NEDD9: variants seen among roughly 807,000 people sequenced by gnomAD.
The protein encoded by NEDD9 is enhancer of filamentation 1.
NEDD9 carries 26 observed loss-of-function variants against 76.6 expected under a neutral mutation model. That is an observed-to-expected ratio of 0.34 (90% confidence interval 0.25 to 0.47). The LOEUF is 0.47. Among genes scored for constraint, NEDD9 ranks in the 20% least tolerant of loss-of-function variants. The probability of loss-of-function intolerance (pLI) is 1.00; values close to 1 mark genes in which losing one functional copy is unlikely to be tolerated. For synonymous variants in NEDD9, 392 were observed against 414.2 expected, an observed-to-expected ratio of 0.95 and a Z score of 0.65; for missense variants, 937 against 1,058.5, an observed-to-expected ratio of 0.89 and a Z score of 1.59.
chr6:11,306,139 C>G, exon 3 of NEDD9: 1 of 1,020,200 alleles, frequency 9.8e-7, no homozygotes, highest in South Asian at 1.3e-5. Flanking sequence ...CATTACGGAC[C>G]TCACAGCTTA....
chr6:11,290,400 G>C (rs1760739027), intron 3 of NEDD9, among the ~76,000 whole-genome samples: 1 of 152,070 alleles, frequency 6.6e-6, no homozygotes, highest in Non-Finnish European at 1.5e-5. Context: ...TCCAAATAAA[G>C]CATTATGGGG....
chr6:11,266,314 T>G (rs2113333545), intron 3 of NEDD9, among the ~76,000 whole-genome samples: 1 of 152,142 alleles, frequency 6.6e-6, no homozygotes, highest in South Asian at 2.1e-4. Context: ...CAAACTTGGG[T>G]GGATTCGGGG....
chr6:11,203,008 T>C (rs1321747016), intron 2 of NEDD9, among the ~76,000 whole-genome samples: 2 of 152,230 alleles, frequency 1.3e-5, no homozygotes, highest in Non-Finnish European at 2.9e-5. Context: ...ACAGTGCCCC[T>C]ATTGTTAAGC....
intron 3 of NEDD9, among the ~76,000 whole-genome samples, chr6:11,290,667 C>CA (rs765457611): frequency 5.3e-5 from 8 of 152,150 alleles, no homozygotes; most frequent in Non-Finnish European, 1.2e-4. Flanking sequence ...CAAATGAGCC[C>CA]TTTTATCCAT....
intron 2 of NEDD9, among the ~76,000 whole-genome samples, chr6:11,328,353 G>C (rs1218649470): frequency 6.6e-6 from 1 of 152,176 alleles, no homozygotes; most frequent in African/African-American, 2.4e-5. Flanking sequence ...TACATATCAG[G>C]AATTACTTGG....
At chr6:11,311,881 T>C (rs1002927299) in intron 2 of NEDD9, among the ~76,000 whole-genome samples, 22 of 152,164 alleles carry the variant, frequency 1.4e-4, no homozygotes, top group Admixed American at 5.9e-4. Flanking sequence ...TAAATCCTTT[T>C]TCCTAAACCC....
chr6:11,213,770 G>A lies in NEDD9; in HGVS notation c.13-43C>T. ...GAAGGAAACCGTGTTAGAATATTGG[G>A]TCGGTCCCTTTATCACCTAAGGCCC... On this transcript the variant is annotated intron_variant, in intron 1 of 6. Coordinates refer to ENST00000379446, the MANE Select transcript of NEDD9 (RefSeq NM_006403.4). This position sits in a 1 kb window ranked among gnomAD's most constrained non-coding sequence, Gnocchi z 5.4. The A allele has an allele frequency of 5.0e-6, 8 of 1,589,928 alleles. No homozygotes were observed. Among genetic ancestry groups the A allele is most frequent in the Non-Finnish European group, 6.9e-6 (8 of 1,163,328 alleles).
chr6:11,284,639 A>C (rs1422479647), intron 3 of NEDD9, among the ~76,000 whole-genome samples: 1 of 151,608 alleles, frequency 6.6e-6, no homozygotes, highest in Non-Finnish European at 1.5e-5. Flanking sequence ...TCGGTTATTC[A>C]AAACAGTTGA....
chr6:11,284,392 A>G (rs1007520224), intron 3 of NEDD9, among the ~76,000 whole-genome samples: 2 of 104,790 alleles, frequency 1.9e-5, no homozygotes, highest in Non-Finnish European at 3.8e-5. Flanking sequence ...CGTCTCTACT[A>G]AAAAAAAAAA....
intron 2 of NEDD9, among the ~76,000 whole-genome samples, chr6:11,323,428 A>G (rs1053190612): frequency 6.6e-6 from 1 of 152,220 alleles, no homozygotes; most frequent in Non-Finnish European, 1.5e-5. Flanking sequence ...CTCAGACATG[A>G]TCCTCTGCAG....
chr6:11,342,931 T>C (rs1023159640), intron 1 of NEDD9, among the ~76,000 whole-genome samples: 1 of 152,166 alleles, frequency 6.6e-6, no homozygotes, highest in Non-Finnish European at 1.5e-5. Flanking sequence ...GTAAATAGTA[T>C]CTGTGGTAGC....
At chr6:11,248,125 T>G (rs1350855369) in intron 3 of NEDD9, among the ~76,000 whole-genome samples, 3 of 151,814 alleles carry the variant, frequency 2.0e-5, no homozygotes, top group Non-Finnish European at 4.4e-5. Context: ...AGTTTCAGGG[T>G]GCCATTTTTC....
At chr6:11,192,527 G>T in intron 3 of NEDD9, 81 bp from the exon 4 acceptor site, 2 of 943,444 alleles carry the variant, frequency 2.1e-6, no homozygotes, top group Non-Finnish European at 3.2e-6. Flanking sequence ...ACTTAATTAT[G>T]GATTTATTTA....
intron 2 of NEDD9, among the ~76,000 whole-genome samples, chr6:11,316,839 G>A (rs751826080): frequency 2.8e-4 from 42 of 152,344 alleles, no homozygotes; most frequent in Admixed American, 2.1e-3. Context: ...AGACGGAGCC[G>A]TTGGTAATAA....
chr6:11,277,673 T>C (rs1018374), intron 3 of NEDD9, among the ~76,000 whole-genome samples: 13,195 of 152,208 alleles, frequency 0.087, 761 homozygotes, highest in Non-Finnish European at 0.13. Flanking sequence ...CCCATAGCAG[T>C]GTTGAACCAT....
At chr6:11,349,067 C>A (rs1447462067) in intron 1 of NEDD9, among the ~76,000 whole-genome samples, 1 of 152,004 alleles carries the variant, frequency 6.6e-6, no homozygotes, top group Non-Finnish European at 1.5e-5. Flanking sequence ...GAAACTTTAA[C>A]AAATTTACAA....
At chr6:11,260,846 A>T (rs558939205) in intron 3 of NEDD9, among the ~76,000 whole-genome samples, 1 of 151,944 alleles carries the variant, frequency 6.6e-6, no homozygotes, top group South Asian at 2.1e-4. Context: ...TGCTGAAAGG[A>T]TGTGTGATAT....
chr6:11,227,134 G>T (rs114055390), intron 1 of NEDD9, among the ~76,000 whole-genome samples: 2 of 152,182 alleles, frequency 1.3e-5, no homozygotes, highest in African/African-American at 4.8e-5. Context: ...CAAGTCATTA[G>T]TATATTAGCA....
At chr6:11,286,818 G>A (rs997685655) in intron 3 of NEDD9, among the ~76,000 whole-genome samples, 1 of 152,194 alleles carries the variant, frequency 6.6e-6, no homozygotes, top group Admixed American at 6.5e-5. Flanking sequence ...GAATGGGGCT[G>A]GGGGTAGGAA....
Sources: gnomAD v4.1 joint callset for allele counts (sites outside exome capture counted in the v4.1 genomes callset) on GRCh38, gnomAD v4.1.1 for gene constraint, Gnocchi (gnomAD v3.1) non-coding constraint, MANE v1.5 for transcripts, NCBI Gene and HGNC (gene_info 2026-07-23, HGNC 2026-07-21) for gene names.